Variants in RBFOX1 observed in about 807,000 individuals in gnomAD.
RBFOX1 encodes the protein RNA binding fox-1 homolog 1, also known as RNA binding protein fox-1 homolog 1.
In RBFOX1, 8 loss-of-function variants were observed where a neutral mutation model predicts 57.7. That is an observed-to-expected ratio of 0.14 (90% CI 0.08 to 0.25). The LOEUF (loss-of-function observed/expected upper bound fraction) is 0.25. Among genes scored for constraint, RBFOX1 ranks in the 10% least tolerant of loss-of-function variants. The pLI, the probability that RBFOX1 is intolerant of heterozygous loss-of-function variation, is 1.00. For synonymous variants in RBFOX1, 326 were observed against 222.4 expected (o/e 1.47, Z -4.15); for missense variants, 611 against 548.5 (o/e 1.11, Z -1.14).
chr16:7,027,570 C>G (rs1364800280), intron 3 of RBFOX1, among the ~76,000 whole-genome samples: 5 of 151,968 alleles, frequency 3.3e-5, no homozygotes, highest in African/African-American at 9.7e-5. Context: ...AGTCTTAGAC[C>G]AAGACTAATG....
At chr16:6,376,641 A>T (rs1455203714) in intron 2 of RBFOX1, among the ~76,000 whole-genome samples, 1 of 152,148 alleles carries the variant, frequency 6.6e-6, no homozygotes. Flanking sequence ...TGAAACCAGC[A>T]GTCCTTGGTT....
At chr16:5,738,878 T>C (rs2052675626) in intron 3 of RBFOX1, among the ~76,000 whole-genome samples, 1 of 152,074 alleles carries the variant, frequency 6.6e-6, no homozygotes, top group Non-Finnish European at 1.5e-5. Flanking sequence ...TTCCTTAATG[T>C]CAACATTGAT....
chr16:6,731,711 C>A (rs545043523), intron 3 of RBFOX1, among the ~76,000 whole-genome samples: 1 of 152,098 alleles, frequency 6.6e-6, no homozygotes, highest in Non-Finnish European at 1.5e-5. Context: ...TGACTAGGCT[C>A]ATTGTATATC....
chr16:6,836,627 C>T (rs74662442), intron 3 of RBFOX1, among the ~76,000 whole-genome samples: 1,907 of 152,276 alleles, frequency 0.013, 42 homozygotes, highest in African/African-American at 0.043. Context: ...CTGTGAAGGT[C>T]TTACGGACTT....
chr16:5,985,748 C>G (rs1002005304), intron 4 of RBFOX1, among the ~76,000 whole-genome samples: 2 of 152,062 alleles, frequency 1.3e-5, no homozygotes, highest in Admixed American at 6.5e-5. Context: ...CCCCCAAAGA[C>G]AAGAATCCAG....
At chr16:5,254,592 T>G (rs1317606365) in intron 1 of RBFOX1, among the ~76,000 whole-genome samples, 2 of 152,250 alleles carry the variant, frequency 1.3e-5, no homozygotes, top group Non-Finnish European at 2.9e-5. Flanking sequence ...CTCTCTTACC[T>G]GTTCAGTTTC....
At chr16:7,324,023 TG>T (rs759630666) in intron 4 of RBFOX1, among the ~76,000 whole-genome samples, 21 of 152,168 alleles carry the variant, frequency 1.4e-4, no homozygotes, top group Non-Finnish European at 1.9e-4. Flanking sequence ...TTTTTTGTTT[TG>T]TTTTGTTTTG....
At chr16:7,231,528 T>C (rs2093491989) in intron 4 of RBFOX1, among the ~76,000 whole-genome samples, 1 of 152,168 alleles carries the variant, frequency 6.6e-6, no homozygotes, top group South Asian at 2.1e-4. Flanking sequence ...AGCAAACCCA[T>C]TCCCAGTTAG....
At chr16:6,984,956 A>T (rs1009824282) in intron 3 of RBFOX1, among the ~76,000 whole-genome samples, 1 of 152,116 alleles carries the variant, frequency 6.6e-6, no homozygotes, top group African/African-American at 2.4e-5. Flanking sequence ...TTTACTTACA[A>T]ATCTACTGTA....
chr16:7,399,757 C>T (rs1208665266), intron 4 of RBFOX1, among the ~76,000 whole-genome samples: 1 of 152,102 alleles, frequency 6.6e-6, no homozygotes, highest in African/African-American at 2.4e-5. Flanking sequence ...TTGATTACAT[C>T]TGCAAAGACC....
intron 1 of RBFOX1, among the ~76,000 whole-genome samples, chr16:6,179,939 T>A (rs2097049295): frequency 6.6e-6 from 1 of 152,178 alleles, no homozygotes. Context: ...CATGAAAGGG[T>A]CTTGACTTTT....
At chr16:7,259,923 G>T (rs539333432) in intron 4 of RBFOX1, among the ~76,000 whole-genome samples, 2 of 152,228 alleles carry the variant, frequency 1.3e-5, no homozygotes, top group African/African-American at 4.8e-5. Flanking sequence ...ATGAATGCCT[G>T]CCAATTTATA....
intron 4 of RBFOX1, among the ~76,000 whole-genome samples, chr16:5,927,002 A>G (rs2058952894): frequency 6.6e-6 from 1 of 152,216 alleles, no homozygotes; most frequent in Admixed American, 6.5e-5. Flanking sequence ...GTGTCCCAAA[A>G]TGTACTTTTC....
At chr16:7,405,232 G>C (rs1170556985) in intron 4 of RBFOX1, among the ~76,000 whole-genome samples, 1 of 152,166 alleles carries the variant, frequency 6.6e-6, no homozygotes, top group Non-Finnish European at 1.5e-5. Flanking sequence ...AAGTAGAAAG[G>C]AAAACAGCAG....
At chr16:6,832,704 C>G (rs1223942699) in intron 3 of RBFOX1, among the ~76,000 whole-genome samples, 3 of 152,156 alleles carry the variant, frequency 2.0e-5, no homozygotes, top group Non-Finnish European at 4.4e-5. Context: ...CTCCACTTGC[C>G]CTTTTTCCAT....
In RBFOX1 at chr16:7,710,718, G is replaced by T; in HGVS notation, c.1167G>T (p.Gly389=). The T allele has an allele frequency of 6.2e-7, 1 of 1,604,316 alleles. No individual in the cohort carries two copies. The highest frequency in any genetic ancestry group is 8.5e-7 in the Non-Finnish European group (1 of 1,176,208). Reference sequence around the variant, plus strand: ...CATTGCAGGCTAGTATATACCGAGGGGGATACAACCGTTTTGCTCCATACT... The same window carrying T: ...CATTGCAGGCTAGTATATACCGAGGTGGATACAACCGTTTTGCTCCATACT... The part of the protein sequence containing the change: ...LSSLQASIYR[G]GYNRFAPY Residue 389 remains glycine, a synonymous_variant, in exon 16 of 16, where the codon GGG becomes GGT. Coordinates refer to ENST00000550418, the MANE Select transcript of RBFOX1 (RefSeq NM_018723.4).
At chr16:5,967,352 C>T (rs1443790594) in intron 4 of RBFOX1, among the ~76,000 whole-genome samples, 2 of 152,034 alleles carry the variant, frequency 1.3e-5, no homozygotes, top group Non-Finnish European at 2.9e-5. Context: ...AGACTTAGTT[C>T]TTCTTGATAG....
At chr16:6,603,334 T>C (rs1181703003) in intron 2 of RBFOX1, among the ~76,000 whole-genome samples, 1 of 152,200 alleles carries the variant, frequency 6.6e-6, no homozygotes, top group East Asian at 1.9e-4. Context: ...TGGAGTCTTG[T>C]ATGAAATAGC....
intron 3 of RBFOX1, among the ~76,000 whole-genome samples, chr16:6,996,121 T>A (rs1330765598): frequency 6.6e-6 from 1 of 152,218 alleles, no homozygotes; most frequent in East Asian, 1.9e-4. Flanking sequence ...GTCAAGAACA[T>A]TTTATTGTAT....
Sources: gnomAD v4.1 joint callset for allele counts (sites outside exome capture counted in the v4.1 genomes callset) on GRCh38, gnomAD v4.1.1 for gene constraint, MANE v1.5 for transcripts, NCBI Gene and HGNC (gene_info 2026-07-23, HGNC 2026-07-21) for gene names.